Variants in PIK3R3 observed in about 807,000 individuals in gnomAD.
The protein encoded by PIK3R3 is phosphoinositide-3-kinase regulatory subunit 3.
In PIK3R3, 64 loss-of-function variants were observed where a neutral mutation model predicts 62.9. That is an observed-to-expected ratio of 1.02 (90% confidence interval 0.83 to 1.25). The LOEUF (loss-of-function observed/expected upper bound fraction) is 1.25. Among genes scored for constraint, PIK3R3 ranks in the 50% most tolerant of loss-of-function variants. The pLI, the probability that PIK3R3 is intolerant of heterozygous loss-of-function variation, is 0.00. For synonymous variants in PIK3R3, 165 were observed against 189.0 expected (o/e 0.87, Z 1.04); for missense variants, 614 against 561.6 (o/e 1.09, Z -0.94).
chr1:46,153,355 G>C, the PIK3R3 span, among the ~76,000 whole-genome samples: 26,551 of 152,134 alleles, frequency 0.17, 2,555 homozygotes, highest in South Asian at 0.39. Flanking sequence ...CTCTTGAGTT[G>C]AGAATAAGTT....
At chr1:46,082,088 C>A (rs1377710656) in intron 1 of PIK3R3, among the ~76,000 whole-genome samples, 2 of 152,120 alleles carry the variant, frequency 1.3e-5, no homozygotes, top group African/African-American at 4.8e-5. Context: ...AAAATCCTAA[C>A]TGCAAAAGGA....
At chr1:46,155,836 CATA>C in the PIK3R3 span, among the ~76,000 whole-genome samples, 10 of 152,096 alleles carry the variant, frequency 6.6e-5, no homozygotes, top group Non-Finnish European at 1.2e-4. Flanking sequence ...TCTCAAGAAG[CATA>C]ATATCTTGTG....
the PIK3R3 span, among the ~76,000 whole-genome samples, chr1:46,166,812 G>A: frequency 1.3e-5 from 2 of 152,208 alleles, no homozygotes; most frequent in Admixed American, 6.5e-5. Flanking sequence ...GATAGGGGAC[G>A]TGGATTCTAC....
At chr1:46,071,712 A>AAAAAAAAAAAAATATATAT (rs1472807815) in intron 3 of PIK3R3, among the ~76,000 whole-genome samples, 2 of 24,654 alleles carry the variant, frequency 8.1e-5, no homozygotes, top group Non-Finnish European at 1.6e-4. Context: ...AAAAAAAAAA[A>AAAAAAAAAAAAATATATAT]ATATATATAT....
rs190889367 is a variant in PIK3R3, at chr1:46,065,070, A to T, written c.621+984T>A. On this transcript the variant is annotated intron_variant, in intron 5 of 9. Coordinates refer to ENST00000262741, the MANE Select transcript of PIK3R3 (RefSeq NM_003629.4). ...CTAATGCTTCTATAAATCATTTGAT[A>T]TTCAAAATAATAACCTGTGTTCCAA... is the stretch of plus-strand genomic sequence containing the variant. Among the ~76,000 whole-genome samples the T allele has an allele frequency of 5.5e-3, 831 of 152,350 alleles. 9 individuals carry two copies. Among genetic ancestry groups the T allele is most frequent in the Admixed American group, 0.025 (376 of 15,310 alleles).
At chr1:46,110,015 C>T (rs577466103) in intron 1 of PIK3R3, among the ~76,000 whole-genome samples, 2 of 152,260 alleles carry the variant, frequency 1.3e-5, no homozygotes, top group East Asian at 3.9e-4. Context: ...ATACCTGCAG[C>T]TCATCCAAAC....
At chr1:46,141,357 C>T in the PIK3R3 span, among the ~76,000 whole-genome samples, 3 of 152,008 alleles carry the variant, frequency 2.0e-5, no homozygotes, top group East Asian at 1.9e-4. Context: ...TGCAACCTTC[C>T]GCCTCCCGGG....
At chr1:46,159,105 AAATAAAT>A in the PIK3R3 span, among the ~76,000 whole-genome samples, 1 of 151,822 alleles carries the variant, frequency 6.6e-6, no homozygotes, top group East Asian at 1.9e-4. Context: ...ATAAATAAAT[AAATAAAT>A]AAATAAATAA....
At position 46,119,483 on chromosome 1, in the gene PIK3R3, T is replaced by C. The variant is rs866887314; in HGVS notation, c.106+12364A>G. On this transcript the variant is annotated intron_variant, in intron 1 of 9. Transcript: ENST00000262741. ...ATGTTAAGAAGTGGCAGAGGCACAA[T>C]CTGAACTCAGGCGTTCTGATTCCAG... Among the ~76,000 whole-genome samples the C allele has an allele frequency of 8.5e-4, 130 of 152,298 alleles. 1 individual carries two copies. The highest frequency in any genetic ancestry group is 5.2e-4 in the Admixed American group (8 of 15,294).
chr1:46,154,125 G>C, the PIK3R3 span, among the ~76,000 whole-genome samples: 1 of 152,200 alleles, frequency 6.6e-6, no homozygotes, highest in Non-Finnish European at 1.5e-5. Flanking sequence ...GGTTAGGTAG[G>C]AAGCTCTAAA....
At chr1:46,092,940 G>T (rs1045965172) in intron 1 of PIK3R3, among the ~76,000 whole-genome samples, 1 of 151,720 alleles carries the variant, frequency 6.6e-6, no homozygotes, top group Admixed American at 6.6e-5. Flanking sequence ...TCTCTCTCTC[G>T]GCTAATAAAG....
At chr1:46,161,857 C>T in the PIK3R3 span, among the ~76,000 whole-genome samples, 1 of 152,122 alleles carries the variant, frequency 6.6e-6, no homozygotes, top group South Asian at 2.1e-4. Flanking sequence ...TTTTGGGAGG[C>T]CAAGGTGGGC....
intron 2 of PIK3R3, among the ~76,000 whole-genome samples, chr1:46,078,468 G>C (rs1238152014): frequency 4.6e-5 from 7 of 152,286 alleles, no homozygotes; most frequent in Admixed American, 3.9e-4. Flanking sequence ...CTTGAACCTG[G>C]GAGGCGGAGG....
rs1297703952 is a variant in PIK3R3 at position 46,132,103 on chromosome 1, C to T, written c.-151G>A. ...GGCCAGTACCAGTCCGGCCAAACTA[C>T]CCGAACAGGGTCCTCCCCCTCTCTC... is the stretch of plus-strand genomic sequence containing the variant. On this transcript the variant is annotated 5_prime_UTR_variant, in exon 1 of 10. Coordinates refer to ENST00000262741, the MANE Select transcript of PIK3R3 (RefSeq NM_003629.4). 3.5e-6 allele frequency: 5 copies of T among 1,423,486 alleles called. No homozygotes were observed. The African/African-American group carries it at 7.2e-5, about 21-fold the overall frequency. The allele number at this position is 1,423,486 out of a possible 1,614,324, so 88.2% of individuals were successfully genotyped here.
Position 46,125,360 on chromosome 1 carries a change from C to T in PIK3R3, c.106+6487G>A, listed in dbSNP as rs117607641. ...AAACGACAATATCATTAAAAACTGA[C>T]AACTAGATCATAAAAGAAACATCTT... On this transcript the variant is annotated intron_variant, in intron 1 of 9. Transcript: ENST00000262741. Among the ~76,000 whole-genome samples, 150 of 152,078 alleles carry T rather than the reference C, an allele frequency of 9.9e-4. 3 individuals are homozygous for T. The East Asian group carries it at 0.024, about 24-fold the overall frequency.
chr1:46,166,220 CT>C, the PIK3R3 span, among the ~76,000 whole-genome samples: 21 of 150,600 alleles, frequency 1.4e-4, no homozygotes, highest in African/African-American at 2.7e-4. Flanking sequence ...CTTTTCTTTT[CT>C]TTTCTTTTCT....
intron 7 of PIK3R3, among the ~76,000 whole-genome samples, chr1:46,047,768 G>A (rs1254233928): frequency 1.0e-5 from 1 of 96,482 alleles, no homozygotes; most frequent in Admixed American, 9.5e-5. Context: ...TTATATTTTT[G>A]TTTGTTTGGT....
intron 1 of PIK3R3, among the ~76,000 whole-genome samples, chr1:46,087,314 TAA>T (rs112363497): frequency 5.0e-5 from 7 of 139,718 alleles, no homozygotes; most frequent in African/African-American, 1.8e-4. Context: ...TTTTAGAATG[TAA>T]AAAAAAAAAG....
upstream of PIK3R3, among the ~76,000 whole-genome samples, chr1:46,133,216 A>G (rs1461137463): frequency 3.3e-5 from 5 of 152,232 alleles, no homozygotes; most frequent in African/African-American, 1.2e-4. Context: ...AGAGGAGGAA[A>G]AAAAAGAAAG....
Sources: gnomAD v4.1 joint callset for allele counts (sites outside exome capture counted in the v4.1 genomes callset) on GRCh38, gnomAD v4.1.1 for gene constraint, MANE v1.5 for transcripts, NCBI Gene and HGNC (gene_info 2026-07-23, HGNC 2026-07-21) for gene names.